AUTS2: variants seen among roughly 807,000 people sequenced by gnomAD.
The protein encoded by AUTS2 is activator of transcription and developmental regulator AUTS2.
AUTS2 carries 17 observed loss-of-function variants against 112.4 expected under a neutral mutation model. That is an observed-to-expected ratio of 0.15 (90% CI 0.10 to 0.23). AUTS2 has a LOEUF of 0.23. Ranked by LOEUF, AUTS2 falls within the 10% of genes least tolerant of loss-of-function variation. AUTS2 has a pLI of 1.00. For synonymous variants in AUTS2, 751 were observed against 702.7 expected (o/e 1.07, Z -1.09); for missense variants, 1,510 against 1,701.6 (o/e 0.89, Z 1.98).
chr7:69,815,536 G>T (rs556644434), intron 1 of AUTS2, among the ~76,000 whole-genome samples: 156 of 151,762 alleles, frequency 1.0e-3, no homozygotes, highest in African/African-American at 3.6e-3. Flanking sequence ...TTTTTTTTGA[G>T]ATGGAGTCTC....
chr7:70,583,857 G>C (rs1443929230), intron 5 of AUTS2, among the ~76,000 whole-genome samples: 1 of 152,206 alleles, frequency 6.6e-6, no homozygotes, highest in African/African-American at 2.4e-5. Context: ...GGACAATTAT[G>C]GATAGCTCTG....
intron 14 of AUTS2, among the ~76,000 whole-genome samples, chr7:70,779,882 G>A (rs1790954093): frequency 6.6e-6 from 1 of 152,006 alleles, no homozygotes; most frequent in Non-Finnish European, 1.5e-5. Context: ...CTACCAAAAT[G>A]AAAAAACATT....
chr7:69,621,994 T>G (rs1422528085), intron 1 of AUTS2, among the ~76,000 whole-genome samples: 1 of 151,986 alleles, frequency 6.6e-6, no homozygotes, highest in Non-Finnish European at 1.5e-5. Context: ...ACAAAAACCC[T>G]AAATACAAGC....
chr7:70,625,044 C>A (rs761211267), intron 5 of AUTS2, among the ~76,000 whole-genome samples: 3 of 152,058 alleles, frequency 2.0e-5, no homozygotes, highest in Admixed American at 6.6e-5. Context: ...CCATTGCCTC[C>A]TATGTTCTTG....
At chr7:69,985,327 C>T (rs1028062912) in intron 2 of AUTS2, among the ~76,000 whole-genome samples, 4 of 151,964 alleles carry the variant, frequency 2.6e-5, no homozygotes, top group African/African-American at 4.8e-5. Flanking sequence ...TCTGTGGTTC[C>T]ATCACTTGGC....
At chr7:69,750,189 T>C (rs942852724) in intron 1 of AUTS2, among the ~76,000 whole-genome samples, 2 of 151,982 alleles carry the variant, frequency 1.3e-5, no homozygotes, top group Non-Finnish European at 2.9e-5. Flanking sequence ...TTTCTGTCAG[T>C]GTGGTAGGTT....
intron 4 of AUTS2, among the ~76,000 whole-genome samples, chr7:70,179,898 G>A (rs1231991895): frequency 6.6e-6 from 1 of 152,164 alleles, no homozygotes; most frequent in African/African-American, 2.4e-5. Flanking sequence ...TTCAACATAA[G>A]CCTTTTGTGT....
chr7:70,011,665 A>T (rs536691682), intron 2 of AUTS2, among the ~76,000 whole-genome samples: 21 of 152,252 alleles, frequency 1.4e-4, no homozygotes, highest in Non-Finnish European at 3.1e-4. Context: ...AGTCTTTTGG[A>T]CTGGTGGCCG....
chr7:70,761,945 C>T (rs980582113), intron 6 of AUTS2, among the ~76,000 whole-genome samples: 6 of 152,144 alleles, frequency 3.9e-5, no homozygotes, highest in East Asian at 3.9e-4. Flanking sequence ...TTTCAGTTCC[C>T]GTTTGCACCT....
At chr7:70,626,045 TG>T (rs780675420) in intron 5 of AUTS2, among the ~76,000 whole-genome samples, 3 of 152,046 alleles carry the variant, frequency 2.0e-5, no homozygotes, top group Non-Finnish European at 4.4e-5. Context: ...CCTGAGTAGC[TG>T]GGACTATAGG....
chr7:70,080,281 T>G (rs1584688942), intron 2 of AUTS2, among the ~76,000 whole-genome samples: 1 of 152,350 alleles, frequency 6.6e-6, no homozygotes, highest in East Asian at 1.9e-4. Flanking sequence ...ATTTTGAAAC[T>G]GTTTCCAACT....
chr7:70,261,700 C>T (rs540790308), intron 4 of AUTS2, among the ~76,000 whole-genome samples: 14 of 152,222 alleles, frequency 9.2e-5, no homozygotes, highest in African/African-American at 2.9e-4. Flanking sequence ...AATAAAATTT[C>T]GAATCTCATT....
intron 4 of AUTS2, among the ~76,000 whole-genome samples, chr7:70,149,255 A>C (rs1044144251): frequency 2.0e-5 from 3 of 152,058 alleles, no homozygotes; most frequent in Admixed American, 1.3e-4. Flanking sequence ...CATAGACACA[A>C]AATAAGCTCA....
intron 1 of AUTS2, among the ~76,000 whole-genome samples, chr7:69,702,509 C>G (rs1185646722): frequency 6.6e-6 from 1 of 152,176 alleles, no homozygotes; most frequent in Non-Finnish European, 1.5e-5. Context: ...TAGTAGTTCT[C>G]TGACTGGAAG....
chr7:70,499,993 T>C (rs550948995), intron 5 of AUTS2, among the ~76,000 whole-genome samples: 16 of 152,270 alleles, frequency 1.1e-4, no homozygotes, highest in African/African-American at 3.8e-4. Context: ...TCTGTACGTG[T>C]GGAGTGCCAT....
chr7:70,566,291 T>A (rs922860340), intron 5 of AUTS2, among the ~76,000 whole-genome samples: 1 of 152,210 alleles, frequency 6.6e-6, no homozygotes, highest in African/African-American at 2.4e-5. Flanking sequence ...AACATTTACA[T>A]TGTATTTCAA....
At chr7:70,602,443 G>A (rs1261364944) in intron 5 of AUTS2, among the ~76,000 whole-genome samples, 1 of 152,164 alleles carries the variant, frequency 6.6e-6, no homozygotes, top group African/African-American at 2.4e-5. Context: ...GGGATGTTTT[G>A]ATTCTTAGTC....
At chr7:70,173,659 C>T (rs913456820) in intron 4 of AUTS2, among the ~76,000 whole-genome samples, 1 of 152,150 alleles carries the variant, frequency 6.6e-6, no homozygotes, top group Non-Finnish European at 1.5e-5. Flanking sequence ...AGTCTGTCAG[C>T]ACCGTTTTTC....
At chr7:70,221,286 T>G (rs1161421888) in intron 4 of AUTS2, among the ~76,000 whole-genome samples, 1 of 152,240 alleles carries the variant, frequency 6.6e-6, no homozygotes, top group Non-Finnish European at 1.5e-5. Context: ...ATTTCAGACA[T>G]CAAGATACAT....
Sources: allele counts gnomAD v4.1 joint callset (sites outside exome capture counted in the v4.1 genomes callset), GRCh38; gene constraint gnomAD v4.1.1; transcripts MANE v1.5; gene names NCBI Gene and HGNC (gene_info 2026-07-23, HGNC 2026-07-21).